Variants in SDK2 observed in about 807,000 individuals in gnomAD.
SDK2 encodes protein sidekick-2.
A neutral mutation model predicts 253.9 loss-of-function variants in SDK2; 105 were observed. That is an observed-to-expected ratio of 0.41 (90% CI 0.35 to 0.49). SDK2 has a LOEUF of 0.49. Ranked by LOEUF, SDK2 falls within the 20% of genes least tolerant of loss-of-function variation. The pLI, the probability that SDK2 is intolerant of heterozygous loss-of-function variation, is 0.06. For synonymous variants in SDK2, 1,249 were observed against 1,234.9 expected, an observed-to-expected ratio of 1.01 and a Z score of -0.24; for missense variants, 2,608 against 3,003.0, an observed-to-expected ratio of 0.87 and a Z score of 3.07.
At chr17:73,359,244 G>A (rs1251983941) in intron 39 of SDK2, among the ~76,000 whole-genome samples, 1 of 151,964 alleles carries the variant, frequency 6.6e-6, no homozygotes, top group Non-Finnish European at 1.5e-5. Context: ...CTCCCCCAGG[G>A]CCCTGGAGGG....
chr17:73,435,648 T>G lies in SDK2; in HGVS notation c.1001-4A>C, dbSNP rs1679871353. 6 of 1,548,892 alleles carry G rather than the reference T, an allele frequency of 3.9e-6. No individual in the cohort carries two copies. Among genetic ancestry groups the G allele is most frequent in the Non-Finnish European group, 5.2e-6 (6 of 1,145,132 alleles). On this transcript the variant is annotated splice_region_variant and splice_polypyrimidine_tract_variant and intron_variant, in intron 8 of 44. Transcript: ENST00000392650. The surrounding 1 kb of genome is among the most constrained non-coding windows in gnomAD (Gnocchi z 5.7). ...GTGATGGAGGGCGGCGGCACACCTGTGGGCAAGACGTGGGCCCACCGTCAA... is the reference window on the plus strand; with the variant it reads ...GTGATGGAGGGCGGCGGCACACCTGGGGGCAAGACGTGGGCCCACCGTCAA...
intron 1 of SDK2, among the ~76,000 whole-genome samples, chr17:73,550,504 C>T (rs776846280): frequency 1.3e-5 from 2 of 152,134 alleles, no homozygotes; most frequent in African/African-American, 2.4e-5. Context: ...GACACAGAGA[C>T]CCTGGGTGGC....
chr17:73,583,460 C>G (rs2045562678), intron 1 of SDK2, among the ~76,000 whole-genome samples: 1 of 152,144 alleles, frequency 6.6e-6, no homozygotes, highest in African/African-American at 2.4e-5. Context: ...TGCATCCCAT[C>G]TCTATTCTAA....
At chr17:73,636,555 C>A (rs1441425882) in intron 1 of SDK2, among the ~76,000 whole-genome samples, 1 of 151,608 alleles carries the variant, frequency 6.6e-6, no homozygotes, top group African/African-American at 2.4e-5. Flanking sequence ...GCAGCACGTG[C>A]CTGTAATCCT....
rs1368404505 is a variant in SDK2 at position 73,424,092 on chromosome 17, C to A, written c.1584G>T (p.Arg528Ser). ...GVTHDPRVTIRYIWEKDGATL... is the reference protein window; with the variant it reads ...GVTHDPRVTISYIWEKDGATL... ...TGGCCCCGTCCTTCTCCCAGATGTA[C>A]CTAAAAGTAAGAAGAACCCGTAAGT... Residue 528 changes from arginine (R) to serine (S), a missense_variant and splice_region_variant, in exon 13 of 45, where the codon AGG becomes AGT. Physicochemically the swap from Arg to Ser is moderately radical, Grantham distance 110 (BLOSUM62 -1). Coordinates refer to ENST00000392650, the MANE Select transcript of SDK2 (RefSeq NM_001144952.2). 6.2e-7 allele frequency: 1 copy of A among 1,610,132 alleles called. No individual in the cohort carries two copies. Among genetic ancestry groups the A allele is most frequent in the Non-Finnish European group, 8.5e-7 (1 of 1,178,864 alleles).
chr17:73,590,772 A>C (rs1168497721), intron 1 of SDK2, among the ~76,000 whole-genome samples: 1 of 152,224 alleles, frequency 6.6e-6, no homozygotes, highest in Non-Finnish European at 1.5e-5. Context: ...GAGGTTGTTA[A>C]GGGTAGAGTG....
At chr17:73,457,072 G>A (rs2063530755) in intron 3 of SDK2, among the ~76,000 whole-genome samples, 1 of 152,134 alleles carries the variant, frequency 6.6e-6, no homozygotes, top group African/African-American at 2.4e-5. Context: ...CAACTGTGAG[G>A]AGCATATTAT....
At position 73,401,136 on chromosome 17, in the gene SDK2, T is replaced by C; in HGVS notation, c.2855A>G (p.Glu952Gly). 1 of 1,561,822 alleles carries C rather than the reference T, an allele frequency of 6.4e-7. No individual in the cohort carries two copies. The highest frequency in any genetic ancestry group is 8.7e-7 in the Non-Finnish European group (1 of 1,152,862). ...CGCGGTGAGGCCCGTGACACGGTAC[T>C]CCAGGGTCACGTTGGGCAGGTAGTG... ...VTHYLPNVTL[E>G]YRVTGLTALT... Residue 952 changes from glutamate (E) to glycine (G), a missense_variant, in exon 21 of 45, where the codon GAG becomes GGG. Transcript: ENST00000392650.
chr17:73,497,510 G>A (rs749252370), intron 2 of SDK2, among the ~76,000 whole-genome samples: 3 of 152,058 alleles, frequency 2.0e-5, no homozygotes, highest in Non-Finnish European at 4.4e-5. Context: ...CCAAAACTGA[G>A]TACAGTGTCT....
intron 40 of SDK2, among the ~76,000 whole-genome samples, chr17:73,355,486 C>T (rs896878184): frequency 4.6e-5 from 7 of 151,962 alleles, no homozygotes; most frequent in East Asian, 3.9e-4. Context: ...TACAGGCACA[C>T]GCCACCAAGC....
chr17:73,484,313 C>T (rs909611661), intron 2 of SDK2, among the ~76,000 whole-genome samples: 5 of 152,192 alleles, frequency 3.3e-5, no homozygotes, highest in Admixed American at 6.5e-5. Context: ...GCTCTGTGGC[C>T]GAATCATGGT....
intron 2 of SDK2, among the ~76,000 whole-genome samples, chr17:73,500,838 T>C (rs148650948): frequency 5.4e-4 from 80 of 148,292 alleles, no homozygotes; most frequent in Middle Eastern, 3.8e-3. Context: ...CTCCATCCTC[T>C]GTCTATCCTC....
intron 1 of SDK2, among the ~76,000 whole-genome samples, chr17:73,535,089 C>T (rs2044751329): frequency 6.6e-6 from 1 of 152,204 alleles, no homozygotes; most frequent in African/African-American, 2.4e-5. Context: ...TCCCAGAAGA[C>T]ACCGCCAATC....
chr17:73,523,858 C>T (rs1422690593), intron 1 of SDK2, among the ~76,000 whole-genome samples: 2 of 152,126 alleles, frequency 1.3e-5, no homozygotes, highest in East Asian at 3.9e-4. Flanking sequence ...AGCGAGCCCC[C>T]TCTTGTATGC....
chr17:73,528,159 G>A (rs1204355903), intron 1 of SDK2, among the ~76,000 whole-genome samples: 1 of 152,118 alleles, frequency 6.6e-6, no homozygotes, highest in African/African-American at 2.4e-5. Context: ...CCAGAGGAGG[G>A]GTGTGGAGCC....
At position 73,390,333 on chromosome 17, in the gene SDK2, G is replaced by C. The variant is rs770223871; in HGVS notation, c.4146C>G (p.Gly1382=). ...CCAAGGCCTCGGCAGCTTCTCCCCAGCCCTTGCGGGTCTGGGCCGTGATGC... is the reference window on the plus strand; with the variant it reads ...CCAAGGCCTCGGCAGCTTCTCCCCACCCCTTGCGGGTCTGGGCCGTGATGC... The part of the protein sequence containing the change: ...LFRITAQTRK[G]WGEAAEALVV... Residue 1382 remains glycine (G), a synonymous_variant, in exon 29 of 45, where the codon GGC becomes GGG. Transcript: ENST00000392650. 4.4e-6 allele frequency: 7 copies of C among 1,608,400 alleles called. No individual in the cohort carries two copies. Among genetic ancestry groups the C allele is most frequent in the African/African-American group, 1.3e-5 (1 of 74,974 alleles).
chr17:73,624,774 C>T (rs945792159), intron 1 of SDK2, among the ~76,000 whole-genome samples: 6 of 152,152 alleles, frequency 3.9e-5, no homozygotes, highest in Non-Finnish European at 5.9e-5. Flanking sequence ...TGAACTAATC[C>T]GGCTTCACGA....
At chr17:73,432,254 G>A (rs1468210424) in intron 10 of SDK2, among the ~76,000 whole-genome samples, 1 of 152,088 alleles carries the variant, frequency 6.6e-6, no homozygotes, top group African/African-American at 2.4e-5. Flanking sequence ...GGAGGGTCCT[G>A]GCCAGAGAAA....
chr17:73,443,458 G>T lies in SDK2; in HGVS notation c.614-2535C>A, dbSNP rs1044080714. Among the ~76,000 whole-genome samples, 1 of 152,246 alleles carries T rather than the reference G, an allele frequency of 6.6e-6. No individual in the cohort carries two copies. Among genetic ancestry groups the T allele is most frequent in the Non-Finnish European group, 1.5e-5 (1 of 68,040 alleles). On this transcript the variant is annotated intron_variant, in intron 5 of 44. Coordinates refer to ENST00000392650, the MANE Select transcript of SDK2 (RefSeq NM_001144952.2). The surrounding 1 kb of genome is among the most constrained non-coding windows in gnomAD (Gnocchi z 4.6). ...CGCAGGTACCACGGCTCAGATTAATGGGGCACAAGTAAGAGACAGACAGTT... is the reference window on the plus strand; with the variant it reads ...CGCAGGTACCACGGCTCAGATTAATTGGGCACAAGTAAGAGACAGACAGTT...
Sources: allele counts gnomAD v4.1 joint callset (sites outside exome capture counted in the v4.1 genomes callset), GRCh38; gene constraint gnomAD v4.1.1; non-coding constraint Gnocchi (gnomAD v3.1); transcripts MANE v1.5; gene names NCBI Gene and HGNC (gene_info 2026-07-23, HGNC 2026-07-21).